The following PRKN variants were observed in gnomAD, a reference collection of about 807,000 sequenced individuals.
PRKN encodes the protein E3 ubiquitin-protein ligase parkin.
A neutral mutation model predicts 59.5 loss-of-function variants in PRKN; 56 were observed. The ratio of observed to expected loss-of-function variants is 0.94; its 90% CI spans 0.76 to 1.18. The LOEUF (loss-of-function observed/expected upper bound fraction) is 1.18, where lower values mean the gene tolerates loss of function less well. PRKN is among the 50% of genes most tolerant of loss of function. The probability of loss-of-function intolerance (pLI) is 0.00; values close to 1 mark genes in which losing one functional copy is unlikely to be tolerated. For missense variants in PRKN, 657 were observed against 596.4 expected, an observed-to-expected ratio of 1.10 and a Z score of -1.06; for synonymous variants, 250 against 222.1, an observed-to-expected ratio of 1.13 and a Z score of -1.12.
chr6:161,531,625 G>A (rs971910167), intron 9 of PRKN, among the ~76,000 whole-genome samples: 15 of 152,176 alleles, frequency 9.9e-5, no homozygotes, highest in African/African-American at 2.9e-4. Flanking sequence ...GGGCTTGTAC[G>A]TGTGAGTGGA....
chr6:161,907,764 A>G (rs1477749533), intron 6 of PRKN, among the ~76,000 whole-genome samples: 1 of 152,222 alleles, frequency 6.6e-6, no homozygotes, highest in Admixed American at 6.5e-5. Flanking sequence ...AAACTTAAGA[A>G]GGCTGCAATT....
At chr6:161,882,190 G>A (rs529084258) in intron 6 of PRKN, among the ~76,000 whole-genome samples, 272 of 152,244 alleles carry the variant, frequency 1.8e-3, no homozygotes, top group African/African-American at 6.1e-3. Context: ...CTTGAATTAT[G>A]TAAATAACAG....
chr6:161,457,317 C>T lies in PRKN; in HGVS notation c.1084-70440G>A, dbSNP rs1426446562. On this transcript the variant is annotated intron_variant, in intron 9 of 11. Transcript: ENST00000366898. This position sits in a 1 kb window ranked among gnomAD's most constrained non-coding sequence, Gnocchi z 5.0. The stretch of plus-strand genomic sequence containing the variant: ...GATCCAACTATTCAAGATTCCTCCA[C>T]TTACACAATATATTGACACTAACTC... Among the ~76,000 whole-genome samples, 1 of 152,200 alleles carries T rather than the reference C, an allele frequency of 6.6e-6. No individual in the cohort carries two copies. The highest frequency in any genetic ancestry group is 1.5e-5 in the Non-Finnish European group (1 of 68,040).
At chr6:161,759,207 AT>A (rs565471939) in intron 7 of PRKN, among the ~76,000 whole-genome samples, 110 of 152,038 alleles carry the variant, frequency 7.2e-4, no homozygotes, top group African/African-American at 2.6e-3. Context: ...ACAAGAGATA[AT>A]CTCTCATTTC....
intron 7 of PRKN, among the ~76,000 whole-genome samples, chr6:161,688,757 T>C (rs1360540244): frequency 6.6e-6 from 1 of 152,148 alleles, no homozygotes; most frequent in Non-Finnish European, 1.5e-5. Context: ...TCAGTGAAGG[T>C]CCATGGGCTG....
chr6:162,374,689 C>G (rs1045021886), intron 2 of PRKN, among the ~76,000 whole-genome samples: 3 of 151,764 alleles, frequency 2.0e-5, no homozygotes, highest in African/African-American at 7.3e-5. Context: ...TTGTTGATCA[C>G]TTTTTGGAGT....
chr6:162,052,803 G>A (rs896343872), intron 5 of PRKN, among the ~76,000 whole-genome samples: 2 of 149,484 alleles, frequency 1.3e-5, no homozygotes, highest in South Asian at 2.1e-4. Context: ...TAAACCCATC[G>A]GTTTGTACTT....
intron 2 of PRKN, among the ~76,000 whole-genome samples, chr6:162,378,983 G>C (rs1370649338): frequency 6.6e-6 from 1 of 152,160 alleles, no homozygotes; most frequent in African/African-American, 2.4e-5. Flanking sequence ...AACTCACCTT[G>C]AGAAGCCACA....
intron 2 of PRKN, among the ~76,000 whole-genome samples, chr6:162,312,787 G>A (rs1782576408): frequency 1.3e-5 from 2 of 152,078 alleles, no homozygotes; most frequent in South Asian, 4.1e-4. Context: ...ACAGCATTTT[G>A]CATAAAATTT....
chr6:161,626,221 G>A lies in PRKN; in HGVS notation c.872-56805C>T, dbSNP rs75181512. On this transcript the variant is annotated intron_variant, in intron 7 of 11. Coordinates refer to ENST00000366898, the MANE Select transcript of PRKN (RefSeq NM_004562.3). ...AAGGAGGGAACCAGCCTGTTTTGGC[G>A]TAACCAGCTTACTGGCTGTGCGGCT... 5.6e-3 allele frequency among the ~76,000 whole-genome samples: 859 copies of A among 152,256 alleles called. 5 individuals carry two copies. Among genetic ancestry groups the A allele is most frequent in the Middle Eastern group, 0.014 (4 of 294 alleles).
At chr6:162,302,037 T>C (rs1301258025) in intron 2 of PRKN, among the ~76,000 whole-genome samples, 2 of 152,202 alleles carry the variant, frequency 1.3e-5, no homozygotes, top group African/African-American at 4.8e-5. Flanking sequence ...CTTGCATTAA[T>C]CAATGGTTTG....
intron 2 of PRKN, chr6:162,275,263 C>T (rs1028507476): frequency 2.1e-5 from 3 of 141,298 alleles, no homozygotes; most frequent in South Asian, 4.2e-4. Flanking sequence ...GGAAGATACG[C>T]TAAAATTGTA....
intron 2 of PRKN, among the ~76,000 whole-genome samples, chr6:162,370,281 G>C (rs16888774): frequency 0.096 from 14,526 of 152,026 alleles, 1,204 homozygotes; most frequent in East Asian, 0.45. Flanking sequence ...GCCTCTCATG[G>C]AGATATATCT....
At chr6:162,390,289 A>G (rs1787099422) in intron 2 of PRKN, among the ~76,000 whole-genome samples, 1 of 151,180 alleles carries the variant, frequency 6.6e-6, no homozygotes, top group Non-Finnish European at 1.5e-5. Flanking sequence ...AAATTTCTTT[A>G]AAGAAATTTT....
chr6:162,037,770 C>A (rs1783904780), intron 5 of PRKN, among the ~76,000 whole-genome samples: 1 of 151,948 alleles, frequency 6.6e-6, no homozygotes, highest in Non-Finnish European at 1.5e-5. Flanking sequence ...TGGTCTCAAT[C>A]TCTTGACCTC....
chr6:161,553,814 C>T (rs981746845), intron 8 of PRKN, among the ~76,000 whole-genome samples: 8 of 152,158 alleles, frequency 5.3e-5, no homozygotes, highest in Non-Finnish European at 1.0e-4. Context: ...ACTATCTCAT[C>T]TCTGGCCAAT....
chr6:161,431,932 T>C (rs1340385135), intron 9 of PRKN, among the ~76,000 whole-genome samples: 1 of 152,202 alleles, frequency 6.6e-6, no homozygotes, highest in African/African-American at 2.4e-5. Flanking sequence ...TTTCTATCTA[T>C]AGCTATATCT....
chr6:162,668,806 A>C (rs1287299033), intron 1 of PRKN, among the ~76,000 whole-genome samples: 1 of 152,214 alleles, frequency 6.6e-6, no homozygotes, highest in African/African-American at 2.4e-5. Context: ...AAGTAGGAAC[A>C]GGAAGGACAG....
intron 1 of PRKN, among the ~76,000 whole-genome samples, chr6:162,658,408 C>T (rs1334391915): frequency 3.3e-5 from 5 of 152,140 alleles, no homozygotes; most frequent in Non-Finnish European, 7.4e-5. Context: ...TGGCGGCTCA[C>T]GCCAGCACTT....
Sources: gnomAD v4.1 joint callset for allele counts (sites outside exome capture counted in the v4.1 genomes callset) on GRCh38, gnomAD v4.1.1 for gene constraint, Gnocchi (gnomAD v3.1) non-coding constraint, MANE v1.5 for transcripts, NCBI Gene and HGNC (gene_info 2026-07-23, HGNC 2026-07-21) for gene names.